The following CSN1S1 variants were observed in gnomAD, a reference collection of about 807,000 sequenced individuals.
CSN1S1 encodes alpha-S1-casein.
A neutral mutation model predicts 49.1 loss-of-function variants in CSN1S1; 63 were observed. The observed-to-expected ratio is 1.28, with a 90% CI of 1.05 to 1.58. The LOEUF is 1.58. Ranked by LOEUF, CSN1S1 falls within the 40% of genes most tolerant of loss-of-function variation. CSN1S1 has a pLI of 0.00. For synonymous variants in CSN1S1, 78 were observed against 67.1 expected, an observed-to-expected ratio of 1.16 and a Z score of -0.79; for missense variants, 260 against 224.7, an observed-to-expected ratio of 1.16 and a Z score of -1.01.
In CSN1S1 at chr4:69,937,156, T is replaced by A; in HGVS notation, c.219+12T>A. ...ATGAGTCTACTCAGGTGAGACCCTT[T>A]GTTTTAAAATTATTAAACCAATATG... On this transcript the variant is annotated intron_variant, in intron 8 of 15. Coordinates refer to ENST00000246891, the MANE Select transcript of CSN1S1 (RefSeq NM_001890.2). 1 of 1,522,036 alleles carries A rather than the reference T, an allele frequency of 6.6e-7. No homozygotes were observed. The allele number at this position is 1,522,036 out of a possible 1,614,324, so 94.3% of individuals were successfully genotyped here.
At chr4:69,931,360 A>G (rs547488490) in intron 1 of CSN1S1, among the ~76,000 whole-genome samples, 1 of 152,134 alleles carries the variant, frequency 6.6e-6, no homozygotes, top group Non-Finnish European at 1.5e-5. Context: ...TAACTAAAAT[A>G]TATTTTTAAA....
rs1405198786 is a variant in CSN1S1 at position 69,942,356 on chromosome 4, A to C, written c.361-180A>C. On this transcript the variant is annotated intron_variant, in intron 13 of 15. Coordinates refer to ENST00000246891, the MANE Select transcript of CSN1S1 (RefSeq NM_001890.2). ...TATAGTGAGCTTAGCCTTTAGCTAA[A>C]ATTTTTTTCTGACATTAGAAAATAA... The C allele has an allele frequency of 6.3e-6, 4 of 635,130 alleles. No individual in the cohort carries two copies. In the East Asian group the frequency reaches 1.1e-4, roughly 18 times the overall value. 39.3% of individuals were successfully genotyped at this position (635,130 alleles called of 1,614,324 possible).
chr4:69,941,986 T>C (rs1264170699), intron 12 of CSN1S1, 60 bp from the exon 13 acceptor site: 1 of 1,139,598 alleles, frequency 8.8e-7, no homozygotes, highest in Non-Finnish European at 1.2e-6. Context: ...CCAGCAAATG[T>C]TTCTTATTAA....
chr4:69,942,450 T>C, intron 13 of CSN1S1, 86 bp from the exon 14 acceptor site: 1 of 1,021,040 alleles, frequency 9.8e-7, no homozygotes, highest in Non-Finnish European at 1.5e-6. Flanking sequence ...ATGAATGATG[T>C]TATGTATACT....
intron 8 of CSN1S1, 149 bp downstream of exon 8, chr4:69,937,293 A>G: frequency 1.7e-6 from 1 of 592,898 alleles, no homozygotes; most frequent in Non-Finnish European, 2.9e-6. Context: ...TACATTGGCC[A>G]GAATAACCAA....
chr4:69,937,860 G>A (rs375108158), intron 9 of CSN1S1, 37 bp downstream of exon 9: 102 of 1,501,990 alleles, frequency 6.8e-5, no homozygotes, highest in African/African-American at 9.9e-5. Context: ...CTACACTTAC[G>A]TATCAAACAT....
intron 9 of CSN1S1, among the ~76,000 whole-genome samples, chr4:69,938,091 T>C (rs1357347721): frequency 4.0e-5 from 6 of 151,802 alleles, no homozygotes; most frequent in Non-Finnish European, 7.4e-5. Context: ...AAATAATAAT[T>C]AGTAAAAAAA....
At chr4:69,937,899 A>AT in intron 9 of CSN1S1, 76 bp downstream of exon 9, 1 of 1,006,784 alleles carries the variant, frequency 9.9e-7, no homozygotes, top group South Asian at 2.2e-5. Context: ...CATTTTAAAA[A>AT]GACTGTCTTC....
intron 5 of CSN1S1, 50 bp from the exon 6 acceptor site, chr4:69,936,406 G>T: frequency 7.4e-7 from 1 of 1,347,762 alleles, no homozygotes; most frequent in Non-Finnish European, 1.1e-6. Flanking sequence ...TTCCACTCAT[G>T]TATGTCTTGT....
chr4:69,938,431 G>A (rs1250579586), intron 9 of CSN1S1, among the ~76,000 whole-genome samples: 2 of 141,062 alleles, frequency 1.4e-5, no homozygotes, highest in Non-Finnish European at 1.6e-5. Context: ...TTAATAGTTT[G>A]TCAACCCACG....
In CSN1S1 at chr4:69,944,836, G is replaced by A. The variant is rs1723101612; in HGVS notation, c.403-14G>A. 1.2e-6 allele frequency: 2 copies of A among 1,611,032 alleles called. No individual in the cohort carries two copies. The highest frequency in any genetic ancestry group is 1.3e-5 in the African/African-American group (1 of 74,794). ...GCTCATACACTGTTGCTTTTCAAAT[G>A]TTTTTCCCTCTAGCCTTTCCAGCAG... is the stretch of plus-strand genomic sequence containing the variant. On this transcript the variant is annotated splice_polypyrimidine_tract_variant and intron_variant, in intron 14 of 15. Coordinates refer to ENST00000246891, the MANE Select transcript of CSN1S1 (RefSeq NM_001890.2).
Position 69,942,037 on chromosome 4 carries a change from C to T in CSN1S1, c.343-9C>T. On this transcript the variant is annotated splice_polypyrimidine_tract_variant and intron_variant, in intron 12 of 15. Coordinates refer to ENST00000246891, the MANE Select transcript of CSN1S1 (RefSeq NM_001890.2). ...AAAATACTAAAACAGAATGTTTTCT[C>T]CTCCCTAGCAAGCTGCCCATGCCCA... 6.9e-7 allele frequency: 1 copy of T among 1,456,284 alleles called. No individual in the cohort carries two copies. The allele number at this position is 1,456,284 out of a possible 1,614,324, so 90.2% of individuals were successfully genotyped here.
At chr4:69,944,764 A>G in intron 14 of CSN1S1, 86 bp from the exon 15 acceptor site, 1 of 1,346,072 alleles carries the variant, frequency 7.4e-7, no homozygotes, top group Non-Finnish European at 1.0e-6. Flanking sequence ...GCATCTTGGA[A>G]ATGAATGAGA....
Position 69,941,011 on chromosome 4 carries a change from T to C in CSN1S1, c.301-8T>C, listed in dbSNP as rs777469309. 5.4e-6 allele frequency: 8 copies of C among 1,479,366 alleles called. No homozygotes were observed. The highest frequency in any genetic ancestry group is 7.4e-6 in the Non-Finnish European group (8 of 1,081,262). 91.6% of individuals were successfully genotyped at this position (1,479,366 alleles called of 1,614,324 possible). On this transcript the variant is annotated splice_region_variant and splice_polypyrimidine_tract_variant and intron_variant, in intron 11 of 15. Transcript: ENST00000246891. ...CAAGCAATTGAGAATATTTTTCTTT[T>C]TAAATAGGAACAGTTTTGTAGACTG...
At chr4:69,942,411 G>A (rs1271280405) in intron 13 of CSN1S1, 125 bp from the exon 14 acceptor site, 1 of 812,078 alleles carries the variant, frequency 1.2e-6, no homozygotes, top group Non-Finnish European at 2.0e-6. Context: ...TGCTAACTGT[G>A]GCATAGAATA....
chr4:69,938,230 T>C (rs1186433377), intron 9 of CSN1S1, among the ~76,000 whole-genome samples: 5 of 151,798 alleles, frequency 3.3e-5, no homozygotes, highest in African/African-American at 1.2e-4. Context: ...CAAGTGCATG[T>C]ATGTATGTAA....
intron 10 of CSN1S1, 113 bp from the exon 11 acceptor site, chr4:69,939,908 T>A: frequency 1.6e-6 from 1 of 644,060 alleles, no homozygotes; most frequent in Admixed American, 3.5e-5. Context: ...AATTTATCAC[T>A]AAAATCAATT....
chr4:69,942,061 C>A lies in CSN1S1; in HGVS notation c.358C>A (p.Gln120Lys). The change falls in exon 13 of 16, where the codon CAG (glutamine) becomes AAG (lysine). Residue 120 changes from glutamine (Q) to lysine (K), a missense_variant and splice_region_variant. Physicochemically the swap from Gln to Lys is moderately conservative, Grantham distance 53 (BLOSUM62 1). Transcript: ENST00000246891. ...NQLQLQAAHA[Q>K]EQIRRMNENS... ...TCCTCCCTAGCAAGCTGCCCATGCCCAGGTGAGATTATTTATTAAATCTAA... is the reference window on the plus strand; with the variant it reads ...TCCTCCCTAGCAAGCTGCCCATGCCAAGGTGAGATTATTTATTAAATCTAA... 6.9e-7 allele frequency: 1 copy of A among 1,457,476 alleles called. No individual in the cohort carries two copies. The highest frequency in any genetic ancestry group is 1.4e-5 in the South Asian group (1 of 70,976). The allele number at this position is 1,457,476 out of a possible 1,614,324, so 90.3% of individuals were successfully genotyped here.
chr4:69,935,799 T>A (rs568663801), intron 4 of CSN1S1, 127 bp from the exon 5 acceptor site: 527 of 685,796 alleles, frequency 7.7e-4, no homozygotes, highest in Non-Finnish European at 1.1e-3. Flanking sequence ...ATGTGTCACA[T>A]TCTCTATAAT....
Sources: allele counts gnomAD v4.1 joint callset (sites outside exome capture counted in the v4.1 genomes callset), GRCh38; gene constraint gnomAD v4.1.1; transcripts MANE v1.5; gene names NCBI Gene and HGNC (gene_info 2026-07-23, HGNC 2026-07-21).